The following EFCAB13 variants were observed in gnomAD, a reference collection of about 807,000 sequenced individuals.
EFCAB13 encodes the protein EF-hand calcium binding domain 13.
EFCAB13 carries 91 observed loss-of-function variants against 110.2 expected under a neutral mutation model. The observed-to-expected ratio is 0.83, with a 90% CI of 0.70 to 0.98. The LOEUF (loss-of-function observed/expected upper bound fraction) is 0.98. EFCAB13 is among the 50% of genes least tolerant of loss of function. EFCAB13 has a pLI of 0.00. For missense variants in EFCAB13, 968 were observed against 1,119.4 expected (o/e 0.86, Z 1.93); for synonymous variants, 323 against 369.9 (o/e 0.87, Z 1.45).
At chr17:47,353,561 G>T (rs1257551417) in intron 9 of EFCAB13, among the ~76,000 whole-genome samples, 1 of 152,112 alleles carries the variant, frequency 6.6e-6, no homozygotes, top group East Asian at 1.9e-4. Flanking sequence ...CTCCCAAAGT[G>T]TTGGAATTAC....
At chr17:47,344,037 C>A in intron 6 of EFCAB13, 125 bp from the exon 7 acceptor site, 1 of 1,128,642 alleles carries the variant, frequency 8.9e-7, no homozygotes, top group South Asian at 2.2e-5. Flanking sequence ...CAATTTTACA[C>A]CAGAAGCATA....
chr17:47,379,137 C>A, intron 13 of EFCAB13, 45 bp from the exon 14 acceptor site: 4 of 1,485,224 alleles, frequency 2.7e-6, no homozygotes, highest in Non-Finnish European at 3.7e-6. Context: ...TGCCTTTATG[C>A]AAAAATACAC....
chr17:47,367,476 T>C (rs2065553996), intron 10 of EFCAB13, among the ~76,000 whole-genome samples: 1 of 152,174 alleles, frequency 6.6e-6, no homozygotes, highest in African/African-American at 2.4e-5. Context: ...AGGGTATATA[T>C]TTGGAGGGGA....
At chr17:47,352,060 C>T (rs962577869) in intron 9 of EFCAB13, among the ~76,000 whole-genome samples, 2 of 151,798 alleles carry the variant, frequency 1.3e-5, no homozygotes, top group African/African-American at 2.4e-5. Flanking sequence ...CGCCACCACG[C>T]CTGGCTAATT....
chr17:47,440,428 C>A lies in EFCAB13; in HGVS notation c.2639-3C>A. The A allele has an allele frequency of 6.4e-7, 1 of 1,569,280 alleles. No individual in the cohort carries two copies. Among genetic ancestry groups the A allele is most frequent in the Non-Finnish European group, 8.6e-7 (1 of 1,162,602 alleles). ...TTTAAGTAAATTATGCTTTGCCTTA[C>A]AGAAAGTGGCAAGGTTAGCATTCAA... On this transcript the variant is annotated splice_polypyrimidine_tract_variant and splice_region_variant and intron_variant, in intron 24 of 24. Coordinates refer to ENST00000331493, the MANE Select transcript of EFCAB13 (RefSeq NM_152347.5).
chr17:47,338,850 G>A (rs1424316650), intron 5 of EFCAB13, among the ~76,000 whole-genome samples: 1 of 151,986 alleles, frequency 6.6e-6, no homozygotes, highest in Non-Finnish European at 1.5e-5. Flanking sequence ...TAAAGGGATA[G>A]TGTGTCAAAA....
chr17:47,420,778 C>G (rs796649444), intron 23 of EFCAB13, among the ~76,000 whole-genome samples: 1 of 9,434 alleles, frequency 1.1e-4, no homozygotes, highest in Non-Finnish European at 2.4e-4. Flanking sequence ...AAGTGAGGAG[C>G]GTCTCCGCCT....
chr17:47,374,550 A>G lies in EFCAB13; in HGVS notation c.956A>G (p.Tyr319Cys). 1 of 1,587,230 alleles carries G rather than the reference A, an allele frequency of 6.3e-7. No individual in the cohort carries two copies. Among genetic ancestry groups the G allele is most frequent in the Non-Finnish European group, 8.5e-7 (1 of 1,172,830 alleles). Residue 319 changes from tyrosine (Y) to cysteine (C), a missense_variant, in exon 12 of 25, where the codon TAT becomes TGT. Physicochemically the swap from Tyr to Cys is radical, Grantham distance 194 (BLOSUM62 -2). Coordinates refer to ENST00000331493, the MANE Select transcript of EFCAB13 (RefSeq NM_152347.5). ...AGTGTAGCAGGATGCTATCTAAAATATAAGAAGAAAAATAGTTTGTCTTCC... is the reference window on the plus strand; with the variant it reads ...AGTGTAGCAGGATGCTATCTAAAATGTAAGAAGAAAAATAGTTTGTCTTCC... The part of the protein sequence containing the change: ...LSSVAGCYLK[Y>C]KKKNSLSSKL...
intron 12 of EFCAB13, among the ~76,000 whole-genome samples, chr17:47,375,295 A>G (rs1049772297): frequency 3.3e-5 from 5 of 151,908 alleles, no homozygotes; most frequent in Non-Finnish European, 7.4e-5. Flanking sequence ...TAGTATGTCT[A>G]TTTTTTATTT....
intron 2 of EFCAB13, among the ~76,000 whole-genome samples, chr17:47,324,751 C>T (rs2065270921): frequency 6.6e-6 from 1 of 151,930 alleles, no homozygotes; most frequent in African/African-American, 2.4e-5. Context: ...CAGAGTCATG[C>T]TTCAGTGAAG....
chr17:47,420,006 T>C (rs1364134489), intron 23 of EFCAB13, among the ~76,000 whole-genome samples: 4 of 152,064 alleles, frequency 2.6e-5, no homozygotes, highest in East Asian at 1.9e-4. Context: ...GAGCGGAAGC[T>C]GGACTGTACT....
chr17:47,342,978 A>C (rs1477362131), intron 6 of EFCAB13, among the ~76,000 whole-genome samples: 1 of 152,102 alleles, frequency 6.6e-6, no homozygotes, highest in Non-Finnish European at 1.5e-5. Context: ...TGGTTCTTAA[A>C]ATATGCCCTG....
At chr17:47,421,884 TAAG>T (rs1460003458) in intron 23 of EFCAB13, among the ~76,000 whole-genome samples, 3 of 152,220 alleles carry the variant, frequency 2.0e-5, no homozygotes, top group African/African-American at 4.8e-5. Context: ...TTTTAAAATT[TAAG>T]AAGGATATAG....
chr17:47,396,695 ACT>A (rs1400301671), intron 17 of EFCAB13, among the ~76,000 whole-genome samples: 1 of 152,212 alleles, frequency 6.6e-6, no homozygotes, highest in Non-Finnish European at 1.5e-5. Flanking sequence ...TTGTCAAAGA[ACT>A]GTCTTTTTCT....
intron 9 of EFCAB13, among the ~76,000 whole-genome samples, chr17:47,358,425 G>A (rs1174112305): frequency 2.0e-5 from 3 of 152,094 alleles, no homozygotes; most frequent in Non-Finnish European, 4.4e-5. Context: ...TCTCAATTAT[G>A]AAATTAGTAA....
chr17:47,437,626 CCTTTA>C (rs1243385140), intron 24 of EFCAB13, among the ~76,000 whole-genome samples: 1 of 152,088 alleles, frequency 6.6e-6, no homozygotes, highest in Non-Finnish European at 1.5e-5. Context: ...TTTTTCCACC[CCTTTA>C]CTTTAAGTTT....
chr17:47,361,630 C>A, intron 10 of EFCAB13, 109 bp downstream of exon 10: 1 of 916,262 alleles, frequency 1.1e-6, no homozygotes, highest in Non-Finnish European at 1.6e-6. Context: ...CCTTTTTTCT[C>A]TTGATTCTTA....
At chr17:47,379,451 C>T (rs556963456) in intron 14 of EFCAB13, among the ~76,000 whole-genome samples, 198 bp downstream of exon 14, 4 of 152,040 alleles carry the variant, frequency 2.6e-5, no homozygotes, top group Non-Finnish European at 5.9e-5. Flanking sequence ...AGAGTTGTCA[C>T]GTGAATTTTG....
At chr17:47,357,697 G>T (rs2065488860) in intron 9 of EFCAB13, among the ~76,000 whole-genome samples, 1 of 152,042 alleles carries the variant, frequency 6.6e-6, no homozygotes, top group South Asian at 2.1e-4. Context: ...TTACAGGCGT[G>T]AGCCACTGTG....
Sources: allele counts gnomAD v4.1 joint callset (sites outside exome capture counted in the v4.1 genomes callset), GRCh38; gene constraint gnomAD v4.1.1; transcripts MANE v1.5; gene names NCBI Gene and HGNC (gene_info 2026-07-23, HGNC 2026-07-21).